The following TUSC3 variants were observed in gnomAD, a reference collection of about 807,000 sequenced individuals.
TUSC3 encodes the protein tumor suppressor candidate 3, also known as dolichyl-diphosphooligosaccharide--protein glycosyltransferase subunit TUSC3.
Under a neutral mutation model 44.8 loss-of-function variants are expected in TUSC3, and 45 were observed. The ratio of observed to expected loss-of-function variants is 1.00; its 90% CI spans 0.79 to 1.29. The LOEUF is 1.29. Among genes scored for constraint, TUSC3 ranks in the 50% most tolerant of loss-of-function variants. The probability of loss-of-function intolerance (pLI) is 0.00; values close to 1 mark genes in which losing one functional copy is unlikely to be tolerated. For synonymous variants in TUSC3, 212 were observed against 152.9 expected, an observed-to-expected ratio of 1.39 and a Z score of -2.85; for missense variants, 519 against 437.9, an observed-to-expected ratio of 1.19 and a Z score of -1.65.
At chr8:15,423,091 T>G (rs1385051631) in intron 1 of TUSC3, among the ~76,000 whole-genome samples, 1 of 152,150 alleles carries the variant, frequency 6.6e-6, no homozygotes, top group Middle Eastern at 3.4e-3. Context: ...ATGTTAAAAG[T>G]TTTTTTTAAG....
chr8:15,700,144 T>G (rs1350999932), intron 6 of TUSC3, among the ~76,000 whole-genome samples: 1 of 152,110 alleles, frequency 6.6e-6, no homozygotes, highest in Non-Finnish European at 1.5e-5. Flanking sequence ...CCAAATACAT[T>G]TCAACTCCAA....
intron 6 of TUSC3, among the ~76,000 whole-genome samples, chr8:15,696,239 C>T (rs982008762): frequency 2.0e-5 from 3 of 152,124 alleles, no homozygotes; most frequent in African/African-American, 7.2e-5. Context: ...GCCTTGCATC[C>T]TTGCTGCTCC....
At chr8:15,445,309 G>T (rs1365962427) in intron 1 of TUSC3, among the ~76,000 whole-genome samples, 2 of 151,720 alleles carry the variant, frequency 1.3e-5, no homozygotes, top group African/African-American at 2.4e-5. Context: ...TCTATCCCAG[G>T]ATTTTATTTT....
upstream of TUSC3, among the ~76,000 whole-genome samples, chr8:15,539,729 G>T (rs77513419): frequency 6.6e-6 from 1 of 151,986 alleles, no homozygotes; most frequent in Non-Finnish European, 1.5e-5. Context: ...TAGCTAGTAC[G>T]GTGCTCTGTA....
the TUSC3 span, among the ~76,000 whole-genome samples, chr8:15,841,215 G>C: frequency 2.4e-4 from 37 of 151,930 alleles, no homozygotes; most frequent in Admixed American, 2.2e-3. Flanking sequence ...ATCTGCTTCA[G>C]TTTCTGTATG....
chr8:15,420,698 A>G (rs1386390428), intron 1 of TUSC3, among the ~76,000 whole-genome samples: 1 of 152,040 alleles, frequency 6.6e-6, no homozygotes, highest in African/African-American at 2.4e-5. Context: ...CCACTCCTAC[A>G]AAGTACCTCT....
chr8:15,427,915 T>A (rs1423136756), intron 1 of TUSC3, among the ~76,000 whole-genome samples: 1 of 152,150 alleles, frequency 6.6e-6, no homozygotes, highest in East Asian at 1.9e-4. Context: ...CCATTGTGAG[T>A]TGATTTTTGC....
In TUSC3 at chr8:15,729,947, G is replaced by T. The variant is rs555320225; in HGVS notation, c.799-719G>T. ...CATCATAAATGATGTAAAAGTTGAG[G>T]CATTGATTTATACTCCAAGGTGTTA... On this transcript the variant is annotated intron_variant, in intron 6 of 10. Transcript: ENST00000503731. Among the ~76,000 whole-genome samples the T allele has an allele frequency of 1.4e-4, 22 of 151,942 alleles. No individual in the cohort carries two copies. In the South Asian group the frequency reaches 4.6e-3, roughly 32 times the overall value.
chr8:15,444,506 G>A (rs760880271), intron 1 of TUSC3, among the ~76,000 whole-genome samples: 9 of 152,192 alleles, frequency 5.9e-5, no homozygotes, highest in Non-Finnish European at 1.5e-5. Flanking sequence ...CCAGGGTAAT[G>A]AGACATTACC....
intron 4 of TUSC3, 34 bp downstream of exon 4, chr8:15,659,681 G>C (rs574338129): frequency 1.2e-6 from 2 of 1,608,628 alleles, no homozygotes; most frequent in Admixed American, 3.3e-5. Flanking sequence ...TTAATAATAG[G>C]CTGGTTAGTT....
intron 6 of TUSC3, among the ~76,000 whole-genome samples, chr8:15,680,225 G>T (rs1487250856): frequency 6.6e-6 from 1 of 151,836 alleles, no homozygotes; most frequent in Non-Finnish European, 1.5e-5. Flanking sequence ...AGCATGGGTT[G>T]GTTTTCCATT....
intron 1 of TUSC3, among the ~76,000 whole-genome samples, chr8:15,457,857 T>C (rs1370703337): frequency 1.1e-5 from 1 of 90,304 alleles, no homozygotes; most frequent in African/African-American, 3.7e-5. Flanking sequence ...ATCTAATAAT[T>C]ATCTAATAAA....
At chr8:15,495,478 A>G (rs1479999881) in intron 2 of TUSC3, among the ~76,000 whole-genome samples, 1 of 152,146 alleles carries the variant, frequency 6.6e-6, no homozygotes, top group African/African-American at 2.4e-5. Flanking sequence ...GACTCCATTT[A>G]TTATCTGTTC....
chr8:15,551,945 T>G (rs1451315102), intron 1 of TUSC3, among the ~76,000 whole-genome samples: 1 of 151,690 alleles, frequency 6.6e-6, no homozygotes, highest in Non-Finnish European at 1.5e-5. Flanking sequence ...AATAGATGAT[T>G]CCAGGGAACT....
chr8:15,565,562 G>C lies in TUSC3; in HGVS notation c.138+24994G>C, dbSNP rs536338520. Among the ~76,000 whole-genome samples the C allele has an allele frequency of 5.3e-5, 8 of 152,224 alleles. No individual in the cohort carries two copies. The South Asian group carries it at 1.7e-3, about 32-fold the overall frequency. The stretch of plus-strand genomic sequence containing the variant: ...ACACTCCAGGTGTAGAAATTCACCA[G>C]GCTCTTGAGAATCTTCTGCTTTGGA... On this transcript the variant is annotated intron_variant, in intron 1 of 10. Coordinates refer to ENST00000503731, the MANE Select transcript of TUSC3 (RefSeq NM_006765.4).
intron 2 of TUSC3, among the ~76,000 whole-genome samples, chr8:15,504,597 ATATATATATATATATATATATATATTTTT>A (rs1563268516): frequency 4.2e-5 from 1 of 23,874 alleles, no homozygotes; most frequent in East Asian, 1.2e-3. Flanking sequence ...ATATATATAT[ATATATATATATATATATATATATATTTTT>A]TTTTTTTTTT....
In TUSC3 at chr8:15,757,854, A is replaced by G; in HGVS notation, c.*45A>G. ...TGGCACTTAAAAACTCTATAACCTC[A>G]GGCAAGTCTTTTAATCTTCTCTGAG... On this transcript the variant is annotated splice_region_variant and 3_prime_UTR_variant, in exon 10 of 11. Coordinates refer to ENST00000503731, the MANE Select transcript of TUSC3 (RefSeq NM_006765.4). 7.3e-7 allele frequency: 1 copy of G among 1,376,628 alleles called. No homozygotes were observed. The allele number at this position is 1,376,628 out of a possible 1,614,324, so 85.3% of individuals were successfully genotyped here. A position where few individuals can be genotyped will look rare whatever the true frequency, so the allele number is the denominator to read the frequency against.
intron 10 of TUSC3, among the ~76,000 whole-genome samples, chr8:15,760,302 TTATG>T (rs1486889462): frequency 6.6e-5 from 10 of 152,216 alleles, no homozygotes; most frequent in African/African-American, 2.4e-4. Context: ...ACCTTGGGAA[TTATG>T]TAATACATAT....
intron 1 of TUSC3, among the ~76,000 whole-genome samples, chr8:15,432,659 T>C (rs569034768): frequency 1.3e-5 from 2 of 152,254 alleles, no homozygotes; most frequent in East Asian, 1.9e-4. Context: ...GAGGGACTGC[T>C]CTGTAGTGCT....
Sources: gnomAD v4.1 joint callset for allele counts (sites outside exome capture counted in the v4.1 genomes callset) on GRCh38, gnomAD v4.1.1 for gene constraint, MANE v1.5 for transcripts, NCBI Gene and HGNC (gene_info 2026-07-23, HGNC 2026-07-21) for gene names.